LYPLAL1: variants seen among roughly 807,000 people sequenced by gnomAD.
The protein encoded by LYPLAL1 is lysophospholipase-like protein 1.
LYPLAL1 carries 23 observed loss-of-function variants against 19.7 expected under a neutral mutation model. The ratio of observed to expected loss-of-function variants is 1.17; its 90% CI spans 0.84 to 1.65. The LOEUF (loss-of-function observed/expected upper bound fraction) is 1.65. Ranked by LOEUF, LYPLAL1 falls within the 40% of genes most tolerant of loss-of-function variation. The pLI, the probability that LYPLAL1 is intolerant of heterozygous loss-of-function variation, is 0.00. For synonymous variants in LYPLAL1, 119 were observed against 96.3 expected (o/e 1.24, Z -1.38); for missense variants, 355 against 279.4 (o/e 1.27, Z -1.93).
chr1:219,306,775 T>C, the LYPLAL1 span, among the ~76,000 whole-genome samples: 3 of 150,802 alleles, frequency 2.0e-5, no homozygotes, highest in African/African-American at 7.3e-5. Flanking sequence ...GATAGATAGA[T>C]AGATAGATAG....
intron 3 of LYPLAL1, among the ~76,000 whole-genome samples, chr1:219,209,597 A>G (rs954007401): frequency 1.3e-5 from 2 of 152,142 alleles, no homozygotes; most frequent in African/African-American, 4.8e-5. Flanking sequence ...TTTGAATTCT[A>G]CTTCAAAGTA....
the LYPLAL1 span, among the ~76,000 whole-genome samples, chr1:219,405,609 C>T: frequency 6.6e-6 from 1 of 152,272 alleles, no homozygotes; most frequent in East Asian, 1.9e-4. Flanking sequence ...CCCAGAACAG[C>T]GCATTACTAT....
At chr1:219,240,726 C>T in the LYPLAL1 span, among the ~76,000 whole-genome samples, 6 of 152,118 alleles carry the variant, frequency 3.9e-5, no homozygotes, top group East Asian at 1.9e-4. Flanking sequence ...TTATTATGTA[C>T]GGACAGTACA....
At chr1:219,222,620 G>T in the LYPLAL1 span, 1 of 152,038 alleles carries the variant, frequency 6.6e-6, no homozygotes, top group Admixed American at 6.6e-5. Context: ...TCTTCCAGTT[G>T]TACCAGCCAG....
chr1:219,189,484 G>C (rs1409319419), intron 2 of LYPLAL1, among the ~76,000 whole-genome samples: 1 of 151,574 alleles, frequency 6.6e-6, no homozygotes, highest in Non-Finnish European at 1.5e-5. Context: ...AACTAGTTAA[G>C]AAGCTAGTTT....
chr1:219,313,559 CTG>C, the LYPLAL1 span, among the ~76,000 whole-genome samples: 2 of 150,560 alleles, frequency 1.3e-5, no homozygotes, highest in African/African-American at 2.4e-5. Flanking sequence ...GAGTTTCACT[CTG>C]TCACCCAGGC....
chr1:219,443,152 G>A, the LYPLAL1 span, among the ~76,000 whole-genome samples: 2 of 152,012 alleles, frequency 1.3e-5, no homozygotes, highest in South Asian at 4.2e-4. Flanking sequence ...CATGAAGCAA[G>A]GTTATTCTCT....
the LYPLAL1 span, among the ~76,000 whole-genome samples, chr1:219,384,168 TG>T: frequency 6.6e-6 from 1 of 152,224 alleles, no homozygotes; most frequent in Non-Finnish European, 1.5e-5. Flanking sequence ...TCCAAATTCT[TG>T]TGATTCATTT....
At chr1:219,202,135 C>G (rs1658158504) in intron 3 of LYPLAL1, among the ~76,000 whole-genome samples, 1 of 152,174 alleles carries the variant, frequency 6.6e-6, no homozygotes, top group Non-Finnish European at 1.5e-5. Context: ...ATCCTATATT[C>G]CTCACTTTGT....
intron 3 of LYPLAL1, among the ~76,000 whole-genome samples, chr1:219,201,276 C>T (rs1008472136): frequency 3.3e-5 from 5 of 150,724 alleles, no homozygotes; most frequent in East Asian, 1.9e-4. Context: ...CTCATTAGAA[C>T]GTGGGTGAAT....
chr1:219,228,573 C>T, the LYPLAL1 span, among the ~76,000 whole-genome samples: 1 of 152,000 alleles, frequency 6.6e-6, no homozygotes, highest in Non-Finnish European at 1.5e-5. Context: ...TCAAGCTTCC[C>T]ATATAGAATA....
At chr1:219,399,171 C>CG in the LYPLAL1 span, among the ~76,000 whole-genome samples, 117 of 152,002 alleles carry the variant, frequency 7.7e-4, no homozygotes, top group African/African-American at 2.7e-3. Flanking sequence ...TGAGCTGGGG[C>CG]GGGGGGGCCT....
chr1:219,244,394 G>T, the LYPLAL1 span, among the ~76,000 whole-genome samples: 1 of 152,168 alleles, frequency 6.6e-6, no homozygotes, highest in African/African-American at 2.4e-5. Context: ...GATTGAGATA[G>T]TGCAAGTTAT....
At chr1:219,188,165 C>T (rs1168690499) in intron 2 of LYPLAL1, among the ~76,000 whole-genome samples, 1 of 151,752 alleles carries the variant, frequency 6.6e-6, no homozygotes, top group East Asian at 1.9e-4. Context: ...GTTCTTAGCA[C>T]TGGGTATGTA....
chr1:219,323,034 G>C, the LYPLAL1 span, among the ~76,000 whole-genome samples: 1 of 152,152 alleles, frequency 6.6e-6, no homozygotes, highest in African/African-American at 2.4e-5. Context: ...TCCTTGTTTT[G>C]TTCATTAATT....
At chr1:219,175,195 G>GAA (rs1655713365) in intron 1 of LYPLAL1, 1 of 694,738 alleles carries the variant, frequency 1.4e-6, no homozygotes, top group Admixed American at 6.3e-5. Context: ...TTTGGGATTA[G>GAA]AACCCAAAGC....
chr1:219,364,801 A>T, the LYPLAL1 span, among the ~76,000 whole-genome samples: 1 of 152,142 alleles, frequency 6.6e-6, no homozygotes, highest in Admixed American at 6.5e-5. Context: ...TTAATTTTAA[A>T]CTTCTAGATA....
the LYPLAL1 span, among the ~76,000 whole-genome samples, chr1:219,425,697 C>T: frequency 7.2e-5 from 11 of 152,142 alleles, no homozygotes; most frequent in Non-Finnish European, 2.9e-5. Flanking sequence ...ATGCTGCATT[C>T]AAAGTGGCTC....
chr1:219,230,088 A>G, the LYPLAL1 span, among the ~76,000 whole-genome samples: 1 of 152,162 alleles, frequency 6.6e-6, no homozygotes, highest in Non-Finnish European at 1.5e-5. Context: ...TACTTTCACT[A>G]TTCAACAACT....
Sources: gnomAD v4.1 joint callset for allele counts (sites outside exome capture counted in the v4.1 genomes callset) on GRCh38, gnomAD v4.1.1 for gene constraint, MANE v1.5 for transcripts, NCBI Gene and HGNC (gene_info 2026-07-23, HGNC 2026-07-21) for gene names.